Variants in TTC29 observed in about 807,000 individuals in gnomAD.
The protein encoded by TTC29 is tetratricopeptide repeat protein 29.
TTC29 carries 49 observed loss-of-function variants against 58.1 expected under a neutral mutation model. The observed-to-expected ratio is 0.84, with a 90% CI of 0.67 to 1.07. The LOEUF (loss-of-function observed/expected upper bound fraction) is 1.07. TTC29 is among the 50% of genes least tolerant of loss of function. The pLI is 0.00. For synonymous variants in TTC29, 209 were observed against 196.8 expected, an observed-to-expected ratio of 1.06 and a Z score of -0.52; for missense variants, 582 against 555.6, an observed-to-expected ratio of 1.05 and a Z score of -0.48.
intron 11 of TTC29, among the ~76,000 whole-genome samples, chr4:146,800,028 T>TG (rs1264059172): frequency 6.6e-6 from 1 of 152,234 alleles, no homozygotes; most frequent in Non-Finnish European, 1.5e-5. Flanking sequence ...ACAATTTCAG[T>TG]TGATTTAGGA....
chr4:146,752,912 T>C (rs2150050439), intron 11 of TTC29, among the ~76,000 whole-genome samples: 2 of 152,282 alleles, frequency 1.3e-5, no homozygotes, highest in Middle Eastern at 3.4e-3. Flanking sequence ...CAAGATGGAT[T>C]AAAGACTTAC....
At chr4:146,792,290 C>T (rs550903389) in intron 11 of TTC29, among the ~76,000 whole-genome samples, 1 of 152,318 alleles carries the variant, frequency 6.6e-6, no homozygotes, top group South Asian at 2.1e-4. Flanking sequence ...AGCCCATGCT[C>T]ATTTACCATT....
At chr4:146,901,644 C>G (rs1733155286) in intron 6 of TTC29, among the ~76,000 whole-genome samples, 1 of 152,152 alleles carries the variant, frequency 6.6e-6, no homozygotes, top group Admixed American at 6.5e-5. Context: ...AGGACCTTTG[C>G]ACTTATTGCA....
At chr4:146,708,326 A>ATATACATG (rs1561046754) in intron 11 of TTC29, among the ~76,000 whole-genome samples, 20 of 39,326 alleles carry the variant, frequency 5.1e-4, no homozygotes, top group African/African-American at 1.1e-3. Context: ...ATATATATAT[A>ATATACATG]TATATATATA....
chr4:146,767,641 TG>T (rs1367747452), intron 11 of TTC29, among the ~76,000 whole-genome samples: 2 of 152,098 alleles, frequency 1.3e-5, no homozygotes, highest in Non-Finnish European at 2.9e-5. Context: ...CTATATTTAG[TG>T]GATAAGTAAA....
At chr4:146,728,099 C>T (rs1579535659) in intron 11 of TTC29, among the ~76,000 whole-genome samples, 1 of 151,866 alleles carries the variant, frequency 6.6e-6, no homozygotes, top group African/African-American at 2.4e-5. Flanking sequence ...TCAGCCTGGC[C>T]AACATGGCAA....
chr4:146,712,557 T>A (rs369560646), intron 11 of TTC29, among the ~76,000 whole-genome samples: 1 of 152,134 alleles, frequency 6.6e-6, no homozygotes, highest in South Asian at 2.1e-4. Context: ...TCTTAATCAA[T>A]TGAACTTTTC....
intron 7 of TTC29, among the ~76,000 whole-genome samples, chr4:146,872,762 C>A (rs1027218243): frequency 2.0e-5 from 3 of 152,054 alleles, no homozygotes; most frequent in Admixed American, 6.6e-5. Context: ...AATGGCTAAA[C>A]TTAAACCCTC....
intron 11 of TTC29, among the ~76,000 whole-genome samples, chr4:146,730,606 C>T (rs554792121): frequency 1.3e-5 from 2 of 152,094 alleles, no homozygotes; most frequent in Non-Finnish European, 2.9e-5. Flanking sequence ...TGGGAAGAAG[C>T]AGCTAGTGAG....
chr4:146,872,614 C>A, intron 7 of TTC29, among the ~76,000 whole-genome samples: 1 of 151,630 alleles, frequency 6.6e-6, no homozygotes, highest in African/African-American at 2.4e-5. Flanking sequence ...ATACAAATGG[C>A]CAAGAAGCAC....
At chr4:146,748,461 C>A (rs1745714859) in intron 11 of TTC29, among the ~76,000 whole-genome samples, 1 of 152,154 alleles carries the variant, frequency 6.6e-6, no homozygotes, top group Admixed American at 6.5e-5. Flanking sequence ...ACTGTGACTG[C>A]CTGTGAACCA....
intron 8 of TTC29, among the ~76,000 whole-genome samples, chr4:146,863,002 G>C (rs1001009487): frequency 2.0e-5 from 3 of 151,710 alleles, no homozygotes; most frequent in Admixed American, 6.6e-5. Context: ...TGCGCCTGTA[G>C]TCCCAGCTAC....
At chr4:146,788,262 A>G (rs754485915) in intron 11 of TTC29, among the ~76,000 whole-genome samples, 6 of 152,222 alleles carry the variant, frequency 3.9e-5, no homozygotes, top group Admixed American at 6.6e-5. Flanking sequence ...GATTTCTTTG[A>G]CATACAGTCA....
At chr4:146,861,435 G>T (rs535568889) in intron 8 of TTC29, among the ~76,000 whole-genome samples, 1 of 152,210 alleles carries the variant, frequency 6.6e-6, no homozygotes, top group Admixed American at 6.5e-5. Flanking sequence ...AAATGTCAGG[G>T]TCTCTATGAC....
chr4:146,863,979 A>G (rs929312042), intron 8 of TTC29, among the ~76,000 whole-genome samples: 1 of 151,838 alleles, frequency 6.6e-6, no homozygotes, highest in African/African-American at 2.4e-5. Flanking sequence ...CTTCTCCAGA[A>G]ACACCCTCAG....
At chr4:146,926,614 C>G (rs113150298) in intron 4 of TTC29, among the ~76,000 whole-genome samples, 2 of 152,016 alleles carry the variant, frequency 1.3e-5, no homozygotes, top group Non-Finnish European at 2.9e-5. Context: ...AGGTGCGTGC[C>G]ACCATGCCTG....
chr4:146,851,813 C>A (rs1311022578), intron 8 of TTC29, among the ~76,000 whole-genome samples: 1 of 152,050 alleles, frequency 6.6e-6, no homozygotes, highest in Non-Finnish European at 1.5e-5. Context: ...CCATGGTATC[C>A]CATTATCTAT....
chr4:146,917,363 T>C (rs561243501), intron 4 of TTC29, among the ~76,000 whole-genome samples: 1 of 141,228 alleles, frequency 7.1e-6, no homozygotes, highest in South Asian at 2.2e-4. Flanking sequence ...AAAGCTCTTT[T>C]TATAATATTA....
chr4:146,738,293 A>G (rs139243117), intron 11 of TTC29, among the ~76,000 whole-genome samples: 3 of 152,246 alleles, frequency 2.0e-5, no homozygotes, highest in Non-Finnish European at 4.4e-5. Context: ...CCAATATTAC[A>G]TTAACAACTT....
Sources: allele counts gnomAD v4.1 joint callset (sites outside exome capture counted in the v4.1 genomes callset), GRCh38; gene constraint gnomAD v4.1.1; transcripts MANE v1.5; gene names NCBI Gene and HGNC (gene_info 2026-07-23, HGNC 2026-07-21).